DSCAML1: variants seen among roughly 807,000 people sequenced by gnomAD.
DSCAML1 encodes the protein cell adhesion molecule DSCAML1.
Under a neutral mutation model 200.5 loss-of-function variants are expected in DSCAML1, and 38 were observed. That is an observed-to-expected ratio of 0.19 (90% CI 0.15 to 0.25). The LOEUF is 0.25. Ranked by LOEUF, DSCAML1 falls within the 10% of genes least tolerant of loss-of-function variation. DSCAML1 has a pLI of 1.00. For missense variants in DSCAML1, 2,223 were observed against 2,858.8 expected, an observed-to-expected ratio of 0.78 and a Z score of 5.07; for synonymous variants, 1,215 against 1,165.0, an observed-to-expected ratio of 1.04 and a Z score of -0.87.
chr11:117,459,459 T>G (rs2048438255), intron 18 of DSCAML1, among the ~76,000 whole-genome samples: 1 of 152,226 alleles, frequency 6.6e-6, no homozygotes. Flanking sequence ...GGACTCCCAG[T>G]TGGGGTAAGG....
chr11:117,428,424 G>C lies in DSCAML1; in HGVS notation c.6066C>G (p.Gly2022=). The C allele has an allele frequency of 6.4e-7, 1 of 1,554,158 alleles. No individual in the cohort carries two copies. Among genetic ancestry groups the C allele is most frequent in the South Asian group, 1.2e-5 (1 of 82,662 alleles). ...TCATCTCGAGAAGCGAGTCCCTGGA[G>C]CCCCCCATTTTGGTGTGTGGGCCCC... ...RAGGPHTKMG[G]SRDSLLEMST... Residue 2022 remains glycine (G), a synonymous_variant, in exon 33 of 33, where the codon GGC becomes GGG. Coordinates refer to ENST00000651296, the MANE Select transcript of DSCAML1 (RefSeq NM_020693.4).
intron 3 of DSCAML1, among the ~76,000 whole-genome samples, chr11:117,701,337 C>A (rs563843559): frequency 2.6e-5 from 4 of 152,156 alleles, no homozygotes; most frequent in Non-Finnish European, 4.4e-5. Context: ...CAGGGAGGCT[C>A]GCGCTTTGCT....
At chr11:117,765,598 G>A (rs1260316795) in intron 3 of DSCAML1, among the ~76,000 whole-genome samples, 3 of 152,208 alleles carry the variant, frequency 2.0e-5, no homozygotes, top group Non-Finnish European at 4.4e-5. Flanking sequence ...GGCAGCTTGT[G>A]GACATGCGTC....
chr11:117,520,331 T>C (rs1037931188), intron 6 of DSCAML1, among the ~76,000 whole-genome samples: 4 of 151,764 alleles, frequency 2.6e-5, no homozygotes, highest in Admixed American at 6.6e-5. Context: ...AAGGAGGAGA[T>C]AGAGAAACAA....
chr11:117,664,234 C>T (rs1273733640), intron 3 of DSCAML1, among the ~76,000 whole-genome samples: 2 of 152,232 alleles, frequency 1.3e-5, no homozygotes, highest in East Asian at 1.9e-4. Context: ...CCTAGACCGG[C>T]GAGGGGCCGT....
At chr11:117,729,861 G>A (rs1380512418) in intron 3 of DSCAML1, among the ~76,000 whole-genome samples, 1 of 152,204 alleles carries the variant, frequency 6.6e-6, no homozygotes, top group East Asian at 1.9e-4. Context: ...ATCTGAGATG[G>A]GGAGATTATC....
intron 3 of DSCAML1, among the ~76,000 whole-genome samples, chr11:117,640,720 A>T (rs12271043): frequency 6.6e-6 from 1 of 152,038 alleles, no homozygotes; most frequent in East Asian, 1.9e-4. Flanking sequence ...CCCCATGTCA[A>T]TCCCAGCCCC....
At chr11:117,625,891 T>TC (rs2052032909) in intron 3 of DSCAML1, among the ~76,000 whole-genome samples, 1 of 152,198 alleles carries the variant, frequency 6.6e-6, no homozygotes, top group Non-Finnish European at 1.5e-5. Flanking sequence ...GAAACACTAT[T>TC]AATCCTGGGG....
intron 3 of DSCAML1, among the ~76,000 whole-genome samples, chr11:117,564,853 C>T (rs975160322): frequency 6.6e-6 from 1 of 151,976 alleles, no homozygotes; most frequent in Non-Finnish European, 1.5e-5. Context: ...GCAACCTCCA[C>T]CTCCTGGGTT....
rs1426515475 is a variant in DSCAML1 at position 117,642,157 on chromosome 11, GGATCA to G, written c.512-109640_512-109636del. 6.6e-6 allele frequency among the ~76,000 whole-genome samples: 1 copy of G among 152,140 alleles called. No individual in the cohort carries two copies. The highest frequency in any genetic ancestry group is 1.5e-5 in the Non-Finnish European group (1 of 68,036). On this transcript the variant is annotated intron_variant, in intron 3 of 32. Transcript: ENST00000651296. The surrounding 1 kb of genome is among the most constrained non-coding windows in gnomAD (Gnocchi z 4.1). ...TGTAATCCCCAACCCCAACCACACT[GGATCA>G]TAAAGCCTAAAGAGCAGACGGCATG... is the stretch of plus-strand genomic sequence containing the variant.
chr11:117,684,663 G>C (rs2053375404), intron 3 of DSCAML1, among the ~76,000 whole-genome samples: 1 of 152,176 alleles, frequency 6.6e-6, no homozygotes, highest in Non-Finnish European at 1.5e-5. Flanking sequence ...CTGTTCTGAT[G>C]TGTCTGTCTA....
At chr11:117,648,180 G>A (rs550933741) in intron 3 of DSCAML1, among the ~76,000 whole-genome samples, 2 of 152,288 alleles carry the variant, frequency 1.3e-5, no homozygotes, top group South Asian at 4.1e-4. Flanking sequence ...TCTCAGAGGG[G>A]GGCCTCAGTG....
At chr11:117,739,272 C>A (rs896173609) in intron 3 of DSCAML1, among the ~76,000 whole-genome samples, 2 of 152,132 alleles carry the variant, frequency 1.3e-5, no homozygotes, top group African/African-American at 4.8e-5. Context: ...GATGGTGGTT[C>A]TTGAAGGAGG....
intron 3 of DSCAML1, among the ~76,000 whole-genome samples, chr11:117,639,970 T>C (rs540783326): frequency 6.6e-6 from 1 of 152,250 alleles, no homozygotes; most frequent in Non-Finnish European, 1.5e-5. Context: ...TGTTCTCTCA[T>C]GGAGGAGAAG....
intron 3 of DSCAML1, among the ~76,000 whole-genome samples, chr11:117,657,602 CCT>C (rs1420981607): frequency 3.3e-5 from 5 of 152,168 alleles, no homozygotes; most frequent in African/African-American, 1.2e-4. Flanking sequence ...CAAACCATCT[CCT>C]CCTCACCCCC....
At chr11:117,582,992 A>ATATTATTATTATTATTAT (rs6144528) in intron 3 of DSCAML1, among the ~76,000 whole-genome samples, 17,297 of 145,006 alleles carry the variant, frequency 0.12, 1,136 homozygotes, top group Non-Finnish European at 0.13. Context: ...GGAGACAGGG[A>ATATTATTATTATTATTAT]TATTATTATT....
chr11:117,677,420 AG>A (rs1334656682), intron 3 of DSCAML1, among the ~76,000 whole-genome samples: 3 of 152,134 alleles, frequency 2.0e-5, no homozygotes, highest in African/African-American at 7.2e-5. Context: ...TGTGTGTGTC[AG>A]AAGAATGGGT....
intron 3 of DSCAML1, among the ~76,000 whole-genome samples, chr11:117,618,862 C>T (rs1212674972): frequency 3.3e-5 from 5 of 151,976 alleles, no homozygotes; most frequent in African/African-American, 4.8e-5. Context: ...ACTCAATGCC[C>T]CTTAGGACAG....
intron 3 of DSCAML1, among the ~76,000 whole-genome samples, chr11:117,741,609 C>T (rs900298952): frequency 1.3e-5 from 2 of 152,238 alleles, no homozygotes; most frequent in African/African-American, 2.4e-5. Context: ...TGGGAACTTC[C>T]CTTAAGAACA....
Sources: allele counts gnomAD v4.1 joint callset (sites outside exome capture counted in the v4.1 genomes callset), GRCh38; gene constraint gnomAD v4.1.1; non-coding constraint Gnocchi (gnomAD v3.1); transcripts MANE v1.5; gene names NCBI Gene and HGNC (gene_info 2026-07-23, HGNC 2026-07-21).